SLC35F3: variants seen among roughly 807,000 people sequenced by gnomAD.
SLC35F3 encodes solute carrier family 35 member F3.
SLC35F3 carries 25 observed loss-of-function variants against 49.9 expected under a neutral mutation model. The observed-to-expected ratio is 0.50, with a 90% CI of 0.37 to 0.70. The LOEUF is 0.70. SLC35F3 is among the 30% of genes least tolerant of loss of function. The pLI is 0.00. For missense variants in SLC35F3, 525 were observed against 639.8 expected (o/e 0.82, Z 1.94); for synonymous variants, 275 against 265.4 (o/e 1.04, Z -0.35).
intron 2 of SLC35F3, among the ~76,000 whole-genome samples, chr1:233,986,698 A>G (rs1210824141): frequency 6.6e-6 from 1 of 152,116 alleles, no homozygotes; most frequent in Non-Finnish European, 1.5e-5. Context: ...GTATCTTCCT[A>G]ACTTAGCCCA....
intron 4 of SLC35F3, among the ~76,000 whole-genome samples, chr1:234,310,078 G>A (rs1413663479): frequency 2.0e-5 from 3 of 152,172 alleles, no homozygotes; most frequent in Non-Finnish European, 2.9e-5. Context: ...AGAAACAGGT[G>A]AAGTTTCAAA....
At chr1:234,289,124 A>T (rs1237522951) in intron 3 of SLC35F3, among the ~76,000 whole-genome samples, 1 of 152,194 alleles carries the variant, frequency 6.6e-6, no homozygotes, top group Non-Finnish European at 1.5e-5. Context: ...ATGTCCAATG[A>T]CGTCATGGCA....
At chr1:233,926,599 A>T (rs1466979477) in intron 2 of SLC35F3, among the ~76,000 whole-genome samples, 1 of 152,066 alleles carries the variant, frequency 6.6e-6, no homozygotes, top group Non-Finnish European at 1.5e-5. Context: ...AGCTTGGAGA[A>T]GTTTGTTATT....
intron 2 of SLC35F3, among the ~76,000 whole-genome samples, chr1:233,928,103 G>A (rs1195665799): frequency 1.3e-5 from 2 of 152,042 alleles, no homozygotes; most frequent in African/African-American, 2.4e-5. Context: ...TCTTGGCACT[G>A]TAAATTTTCT....
intron 2 of SLC35F3, among the ~76,000 whole-genome samples, chr1:234,201,114 T>C (rs1402104678): frequency 1.3e-5 from 2 of 152,200 alleles, no homozygotes. Context: ...AGTCACCAAA[T>C]GCAGGAGAGG....
chr1:233,976,810 C>T (rs1663092951), intron 2 of SLC35F3, among the ~76,000 whole-genome samples: 1 of 152,162 alleles, frequency 6.6e-6, no homozygotes, highest in Admixed American at 6.5e-5. Flanking sequence ...ATGGTTTCAC[C>T]ATGTTCGTAA....
At chr1:234,110,678 G>A (rs1419635329) in intron 2 of SLC35F3, among the ~76,000 whole-genome samples, 1 of 152,208 alleles carries the variant, frequency 6.6e-6, no homozygotes, top group African/African-American at 2.4e-5. Flanking sequence ...GAATTACAGT[G>A]CTAGCCAGGA....
intron 3 of SLC35F3, among the ~76,000 whole-genome samples, chr1:234,232,541 GAAA>G (rs1027853631): frequency 1.2e-5 from 1 of 82,952 alleles, no homozygotes; most frequent in Non-Finnish European, 2.5e-5. Flanking sequence ...AAAAAAAAAA[GAAA>G]AAGAAAAAAA....
chr1:234,195,682 T>G (rs1331221097), intron 2 of SLC35F3, among the ~76,000 whole-genome samples: 1 of 152,084 alleles, frequency 6.6e-6, no homozygotes, highest in Non-Finnish European at 1.5e-5. Flanking sequence ...CACAGTGAGA[T>G]AGAAAGTATG....
intron 2 of SLC35F3, among the ~76,000 whole-genome samples, chr1:234,051,025 G>GTT (rs1294160276): frequency 6.6e-6 from 1 of 152,174 alleles, no homozygotes; most frequent in Non-Finnish European, 1.5e-5. Flanking sequence ...GTGCCATGTT[G>GTT]TTTTGGTTAC....
intron 2 of SLC35F3, among the ~76,000 whole-genome samples, chr1:234,061,203 C>CT (rs1369222125): frequency 6.6e-6 from 1 of 151,700 alleles, no homozygotes; most frequent in Non-Finnish European, 1.5e-5. Flanking sequence ...CTTTTCTTTT[C>CT]TTTTTTGTCA....
intron 2 of SLC35F3, among the ~76,000 whole-genome samples, chr1:234,127,732 CT>C (rs146439752): frequency 0.09 from 13,609 of 152,052 alleles, 1,100 homozygotes; most frequent in African/African-American, 0.22. Flanking sequence ...ATGAGATTTT[CT>C]TTGAAGGAAA....
chr1:233,913,891 T>C lies in SLC35F3; in HGVS notation c.283+8133T>C, dbSNP rs191859245. ...CCAGTTTTGGTAACTTTAAAAATGA[T>C]GTGGAAAAAATGAACAGGGCCCAGG... On this transcript the variant is annotated intron_variant, in intron 2 of 7. Coordinates refer to ENST00000366618, the MANE Select transcript of SLC35F3 (RefSeq NM_173508.4). Among the ~76,000 whole-genome samples the C allele has an allele frequency of 2.0e-5, 3 of 152,144 alleles. No individual in the cohort carries two copies. The East Asian group carries it at 5.8e-4, about 29-fold the overall frequency.
chr1:234,206,886 A>T (rs2102937570), intron 2 of SLC35F3, among the ~76,000 whole-genome samples: 1 of 152,222 alleles, frequency 6.6e-6, no homozygotes, highest in Admixed American at 6.5e-5. Context: ...TGTGCTCAGG[A>T]ATAACTAAGG....
At chr1:234,285,214 T>C in intron 3 of SLC35F3, 1 of 408,524 alleles carries the variant, frequency 2.4e-6, no homozygotes. Context: ...CAGAACATGA[T>C]CAAGGACATT....
At chr1:234,138,622 A>C (rs1378766283) in intron 2 of SLC35F3, among the ~76,000 whole-genome samples, 1 of 152,154 alleles carries the variant, frequency 6.6e-6, no homozygotes, top group Non-Finnish European at 1.5e-5. Context: ...GTCATAGCTC[A>C]CGGCAGCCTT....
intron 2 of SLC35F3, among the ~76,000 whole-genome samples, chr1:233,933,778 C>T (rs1046734844): frequency 1.3e-4 from 20 of 152,078 alleles, no homozygotes; most frequent in African/African-American, 4.3e-4. Context: ...AAGGCGTAGG[C>T]GTAGGCGCAG....
At chr1:234,256,838 T>C (rs1315614077) in intron 3 of SLC35F3, among the ~76,000 whole-genome samples, 1 of 152,252 alleles carries the variant, frequency 6.6e-6, no homozygotes, top group East Asian at 1.9e-4. Context: ...CCAGCATAAA[T>C]CCCTGTCTTA....
chr1:234,095,713 T>A (rs974854768), intron 2 of SLC35F3, among the ~76,000 whole-genome samples: 2 of 152,146 alleles, frequency 1.3e-5, no homozygotes, highest in African/African-American at 4.8e-5. Flanking sequence ...CTACTTGGGG[T>A]CTAATCATAG....
Sources: gnomAD v4.1 joint callset for allele counts (sites outside exome capture counted in the v4.1 genomes callset) on GRCh38, gnomAD v4.1.1 for gene constraint, MANE v1.5 for transcripts, NCBI Gene and HGNC (gene_info 2026-07-23, HGNC 2026-07-21) for gene names.